The following SEPTIN7 variants were observed in gnomAD, a reference collection of about 807,000 sequenced individuals.
SEPTIN7 encodes septin-7.
In SEPTIN7, 10 loss-of-function variants were observed where a neutral mutation model predicts 63.3. The observed-to-expected ratio is 0.16, with a 90% CI of 0.10 to 0.27. The LOEUF (loss-of-function observed/expected upper bound fraction) is 0.27. Ranked by LOEUF, SEPTIN7 falls within the 10% of genes least tolerant of loss-of-function variation. The pLI is 1.00. For missense variants in SEPTIN7, 310 were observed against 521.0 expected, an observed-to-expected ratio of 0.59 and a Z score of 3.94; for synonymous variants, 131 against 165.3, an observed-to-expected ratio of 0.79 and a Z score of 1.59.
chr7:35,914,236 A>G, the SEPTIN7 span, among the ~76,000 whole-genome samples: 1 of 152,264 alleles, frequency 6.6e-6, no homozygotes, highest in Non-Finnish European at 1.5e-5. Flanking sequence ...TTTTAATTAT[A>G]TAGGAATGTT....
At chr7:35,807,345 G>A (rs1488178336) in intron 1 of SEPTIN7, among the ~76,000 whole-genome samples, 2 of 135,462 alleles carry the variant, frequency 1.5e-5, no homozygotes, top group South Asian at 2.4e-4. Flanking sequence ...CACCATGCCC[G>A]GCTGAATTTT....
chr7:35,898,538 A>G, intron 12 of SEPTIN7, 155 bp downstream of exon 12: 1 of 531,582 alleles, frequency 1.9e-6, no homozygotes, highest in South Asian at 3.8e-5. Flanking sequence ...AGAAGCAAGC[A>G]CCGTGTTTAT....
chr7:35,899,255 C>T (rs1042587066), intron 12 of SEPTIN7: 3 of 152,134 alleles, frequency 2.0e-5, no homozygotes, highest in African/African-American at 7.2e-5. Flanking sequence ...ATAAAATAGC[C>T]TGGGCATGGT....
In SEPTIN7 at chr7:35,905,918, A is replaced by C. The variant is rs912616999; in HGVS notation, c.*1625A>C. On this transcript the variant is annotated 3_prime_UTR_variant, in exon 14 of 14. Coordinates refer to ENST00000350320, the MANE Select transcript of SEPTIN7 (RefSeq NM_001788.6). ...GGTAAGAAATTAATTAATGTAGCCTAGTTTATTATCTTGAAATGTTTTACC... is the reference window on the plus strand; with the variant it reads ...GGTAAGAAATTAATTAATGTAGCCTCGTTTATTATCTTGAAATGTTTTACC... The C allele has an allele frequency of 1.3e-5, 2 of 152,238 alleles. No individual in the cohort carries two copies. Among genetic ancestry groups the C allele is most frequent in the African/African-American group, 2.4e-5 (1 of 41,462 alleles). 9.4% of individuals were successfully genotyped at this position (152,238 alleles called of 1,614,324 possible).
intron 7 of SEPTIN7, among the ~76,000 whole-genome samples, chr7:35,881,496 ATTC>A (rs1429987968): frequency 6.7e-6 from 1 of 148,918 alleles, no homozygotes; most frequent in Non-Finnish European, 1.5e-5. Flanking sequence ...TTCCTTGTTT[ATTC>A]TTTTTTTTTT....
At position 35,883,969 on chromosome 7, in the gene SEPTIN7, C is replaced by A. The variant is rs1162277681; in HGVS notation, c.802C>A (p.Pro268Thr). ...CAAAAGGGTCAGAGGAAGGCAGTAT[C>A]CTTGGGGTGTTGCTGAAGGTAAGAT... ...NGKRVRGRQY[P>T]WGVAEVENGE... is the part of the protein sequence containing the mutation. Residue 268 changes from proline to threonine, a missense_variant, in exon 9 of 14, where the codon CCT becomes ACT. Transcript: ENST00000350320. 1.2e-6 allele frequency: 2 copies of A among 1,606,896 alleles called. No individual in the cohort carries two copies. The highest frequency in any genetic ancestry group is 1.7e-6 in the Non-Finnish European group (2 of 1,174,196).
At chr7:35,854,381 G>A (rs555055239) in intron 3 of SEPTIN7, among the ~76,000 whole-genome samples, 237 of 152,310 alleles carry the variant, frequency 1.6e-3, no homozygotes, top group Middle Eastern at 6.8e-3. Flanking sequence ...TGCCCCCCAG[G>A]GGACATCTCT....
chr7:35,830,057 A>G (rs540159155), intron 1 of SEPTIN7, among the ~76,000 whole-genome samples: 1 of 152,032 alleles, frequency 6.6e-6, no homozygotes, highest in African/African-American at 2.4e-5. Flanking sequence ...GTGGTGGCAC[A>G]TGCCTGTAAT....
intron 11 of SEPTIN7, among the ~76,000 whole-genome samples, chr7:35,892,413 T>C (rs754698118): frequency 3.9e-5 from 6 of 152,184 alleles, no homozygotes; most frequent in Non-Finnish European, 8.8e-5. Context: ...ATATTGTTCA[T>C]AAAATCCTAA....
intron 8 of SEPTIN7, among the ~76,000 whole-genome samples, chr7:35,883,026 T>C (rs866046033): frequency 5.9e-5 from 9 of 152,110 alleles, no homozygotes; most frequent in Non-Finnish European, 1.5e-5. Context: ...ATTTAGTCTA[T>C]ATTTTCAGAT....
chr7:35,890,624 CT>C (rs1197242326), intron 10 of SEPTIN7, 43 bp from the exon 11 acceptor site: 4 of 1,374,000 alleles, frequency 2.9e-6, no homozygotes, highest in African/African-American at 3.0e-5. Flanking sequence ...TTTTTTCCCC[CT>C]AGCTATTAAT....
chr7:35,907,662 A>G (rs896833831), downstream of SEPTIN7, among the ~76,000 whole-genome samples: 1 of 152,134 alleles, frequency 6.6e-6, no homozygotes, highest in African/African-American at 2.4e-5. Flanking sequence ...ACACTGCCAC[A>G]TTTCTGAAGC....
intron 1 of SEPTIN7, among the ~76,000 whole-genome samples, chr7:35,816,193 C>G (rs941955775): frequency 1.2e-4 from 19 of 152,278 alleles, no homozygotes; most frequent in Non-Finnish European, 2.6e-4. Flanking sequence ...ACATTTTCAT[C>G]AGCCCCAAAT....
At position 35,837,764 on chromosome 7, in the gene SEPTIN7, C is replaced by G. The variant is rs140293137; in HGVS notation, c.169+4864C>G. On this transcript the variant is annotated intron_variant, in intron 3 of 13. Transcript: ENST00000350320. ...ATTTATTTTTTGAGATGGAGTCTTG[C>G]TCTGTTGTCCAGGCTGGAGTGCAGT... Among the ~76,000 whole-genome samples, 802 of 152,172 alleles carry G rather than the reference C, an allele frequency of 5.3e-3. 10 individuals are homozygous for G. The highest frequency in any genetic ancestry group is 0.019 in the African/African-American group (778 of 41,468).
At chr7:35,903,564 C>G (rs1446345973) in intron 13 of SEPTIN7, among the ~76,000 whole-genome samples, 2 of 152,140 alleles carry the variant, frequency 1.3e-5, no homozygotes, top group African/African-American at 2.4e-5. Flanking sequence ...AGGGAACATT[C>G]TTCAAAATCT....
intron 1 of SEPTIN7, among the ~76,000 whole-genome samples, chr7:35,803,576 T>G (rs1393362094): frequency 6.6e-6 from 1 of 152,252 alleles, no homozygotes; most frequent in Non-Finnish European, 1.5e-5. Context: ...GAATTGCCGA[T>G]AGAGAATTCC....
intron 3 of SEPTIN7, among the ~76,000 whole-genome samples, chr7:35,843,958 C>G (rs1257065935): frequency 6.6e-6 from 1 of 152,054 alleles, no homozygotes; most frequent in Non-Finnish European, 1.5e-5. Flanking sequence ...TTTTAATGAT[C>G]AAAGGCTATA....
At chr7:35,822,654 A>G (rs1331905321) in intron 1 of SEPTIN7, among the ~76,000 whole-genome samples, 1 of 152,226 alleles carries the variant, frequency 6.6e-6, no homozygotes, top group Admixed American at 6.5e-5. Context: ...AACAGGCCAC[A>G]GACCGCTACC....
intron 1 of SEPTIN7, among the ~76,000 whole-genome samples, chr7:35,826,424 A>T (rs1288976461): frequency 6.6e-6 from 1 of 150,450 alleles, no homozygotes; most frequent in Non-Finnish European, 1.5e-5. Context: ...TTAAAATCCA[A>T]AGGGAGGCAG....
Sources: allele counts gnomAD v4.1 joint callset (sites outside exome capture counted in the v4.1 genomes callset), GRCh38; gene constraint gnomAD v4.1.1; transcripts MANE v1.5; gene names NCBI Gene and HGNC (gene_info 2026-07-23, HGNC 2026-07-21).